MLLT3: variants seen among roughly 807,000 people sequenced by gnomAD.
The protein encoded by MLLT3 is MLLT3 super elongation complex subunit.
A neutral mutation model predicts 53.2 loss-of-function variants in MLLT3; 4 were observed. The ratio of observed to expected loss-of-function variants is 0.08; its 90% CI spans 0.04 to 0.17. The LOEUF is 0.17. MLLT3 is among the 10% of genes least tolerant of loss of function. MLLT3 has a pLI of 1.00. For synonymous variants in MLLT3, 283 were observed against 230.6 expected, an observed-to-expected ratio of 1.23 and a Z score of -2.06; for missense variants, 569 against 684.0, an observed-to-expected ratio of 0.83 and a Z score of 1.87.
chr9:20,533,162 C>A (rs1489843164), intron 2 of MLLT3: 2 of 289,320 alleles, frequency 6.9e-6, no homozygotes, highest in Admixed American at 3.9e-5. Context: ...ACCACCGTCA[C>A]CTTTACACAG....
chr9:20,411,391 C>T (rs2118769596), intron 5 of MLLT3, among the ~76,000 whole-genome samples: 1 of 152,296 alleles, frequency 6.6e-6, no homozygotes, highest in East Asian at 1.9e-4. Flanking sequence ...CATGACATCA[C>T]TTTTGTTAAT....
At chr9:20,373,833 T>C (rs576288302) in intron 5 of MLLT3, among the ~76,000 whole-genome samples, 1 of 152,228 alleles carries the variant, frequency 6.6e-6, no homozygotes, top group African/African-American at 2.4e-5. Context: ...TGAATACTAA[T>C]GAAAGAAGAA....
At chr9:20,482,930 CAT>C (rs1824701544) in intron 2 of MLLT3, among the ~76,000 whole-genome samples, 1 of 152,158 alleles carries the variant, frequency 6.6e-6, no homozygotes, top group African/African-American at 2.4e-5. Context: ...ATCCTAGAAA[CAT>C]ATCTTCCACC....
chr9:20,525,945 T>G (rs529112328), intron 2 of MLLT3, among the ~76,000 whole-genome samples: 1 of 152,342 alleles, frequency 6.6e-6, no homozygotes, highest in South Asian at 2.1e-4. Context: ...CAATACATTT[T>G]ATAATTTTGG....
intron 5 of MLLT3, among the ~76,000 whole-genome samples, chr9:20,383,528 A>C (rs186145194): frequency 2.0e-5 from 3 of 152,042 alleles, no homozygotes; most frequent in Middle Eastern, 3.4e-3. Context: ...GGGAAACATA[A>C]GTAATAGTGG....
Position 20,456,274 on chromosome 9 carries a change from G to A in MLLT3, c.276+430C>T, listed in dbSNP as rs1006058274. Among the ~76,000 whole-genome samples, 15 of 152,068 alleles carry A rather than the reference G, an allele frequency of 9.9e-5. 1 individual carries two copies. The highest frequency in any genetic ancestry group is 9.8e-4 in the Admixed American group (15 of 15,276). On this transcript the variant is annotated intron_variant, in intron 3 of 10. Coordinates refer to ENST00000380338, the MANE Select transcript of MLLT3 (RefSeq NM_004529.4). ...TAAATCCAGTAAAATCCATATATCT[G>A]AAGTTGAAATAACTATATACATGTA...
chr9:20,496,377 A>T (rs1586995220), intron 2 of MLLT3, among the ~76,000 whole-genome samples: 2 of 152,124 alleles, frequency 1.3e-5, no homozygotes, highest in Admixed American at 6.5e-5. Context: ...TTTATATTGT[A>T]ATCAGCCCTG....
intron 4 of MLLT3, among the ~76,000 whole-genome samples, chr9:20,415,779 A>G (rs1034168001): frequency 1.3e-5 from 2 of 152,084 alleles, no homozygotes; most frequent in Non-Finnish European, 2.9e-5. Flanking sequence ...CAAAACAACA[A>G]AAAATATATA....
At chr9:20,611,613 T>C (rs1010888559) in intron 2 of MLLT3, among the ~76,000 whole-genome samples, 1 of 152,116 alleles carries the variant, frequency 6.6e-6, no homozygotes, top group African/African-American at 2.4e-5. Flanking sequence ...TTATAATCAC[T>C]AATGAACACT....
intron 5 of MLLT3, among the ~76,000 whole-genome samples, chr9:20,399,245 CATATTT>C (rs1822396756): frequency 6.6e-6 from 1 of 152,130 alleles, no homozygotes; most frequent in Non-Finnish European, 1.5e-5. Flanking sequence ...ATTACACAGA[CATATTT>C]ATAGTTAAGA....
At chr9:20,456,280 G>T (rs1823969002) in intron 3 of MLLT3, among the ~76,000 whole-genome samples, 1 of 151,954 alleles carries the variant, frequency 6.6e-6, no homozygotes, top group South Asian at 2.1e-4. Context: ...ATCTGAAGTT[G>T]AAATAACTAT....
chr9:20,416,532 C>G (rs1396404178), intron 4 of MLLT3, among the ~76,000 whole-genome samples: 1 of 152,098 alleles, frequency 6.6e-6, no homozygotes, highest in Admixed American at 6.5e-5. Flanking sequence ...ACATTGGTAT[C>G]TGACACAGCT....
chr9:20,447,233 T>C (rs1194452732), intron 4 of MLLT3, among the ~76,000 whole-genome samples: 3 of 152,198 alleles, frequency 2.0e-5, no homozygotes, highest in Admixed American at 2.0e-4. Context: ...TTATCAGTGA[T>C]ATAAGGCATC....
At chr9:20,585,638 A>G (rs528889686) in intron 2 of MLLT3, among the ~76,000 whole-genome samples, 2 of 152,200 alleles carry the variant, frequency 1.3e-5, no homozygotes, top group East Asian at 1.9e-4. Context: ...GTTTTTGTTA[A>G]TTTGCAATTC....
In MLLT3 at chr9:20,344,501, A is replaced by AGG; in HGVS notation, c.*1941_*1942insCC. 1 of 219,494 alleles carries AGG rather than the reference A, an allele frequency of 4.6e-6. No individual in the cohort carries two copies. The highest frequency in any genetic ancestry group is 9.2e-6 in the Non-Finnish European group (1 of 109,200). 13.6% of individuals were successfully genotyped at this position (219,494 alleles called of 1,614,324 possible). ...AATTCATCAATCACCTAATGTCCAAAATGACTCAAAGTTTCTCTGCACATC... is the reference window on the plus strand; with the variant it reads ...AATTCATCAATCACCTAATGTCCAAAGGATGACTCAAAGTTTCTCTGCACATC... On this transcript the variant is annotated 3_prime_UTR_variant, in exon 11 of 11. Transcript: ENST00000380338.
rs4634744 is a variant in MLLT3, at chr9:20,584,646, C to T, written c.193+36008G>A. On this transcript the variant is annotated intron_variant, in intron 2 of 10. Coordinates refer to ENST00000380338, the MANE Select transcript of MLLT3 (RefSeq NM_004529.4). ...AAGTGGAAACCTCTGATAAACCCAT[C>T]AGATCTCACGAGACTTATTCACTAT... is the stretch of plus-strand genomic sequence containing the variant. Among the ~76,000 whole-genome samples, 1,411 of 152,252 alleles carry T rather than the reference C, an allele frequency of 9.3e-3. 48 individuals are homozygous for T. In the East Asian group the frequency reaches 0.12, roughly 13 times the overall value.
chr9:20,387,014 C>T (rs1486076110), intron 5 of MLLT3, among the ~76,000 whole-genome samples: 3 of 152,110 alleles, frequency 2.0e-5, no homozygotes. Flanking sequence ...TTGTATTAGC[C>T]ACTTTTCCCT....
chr9:20,538,218 T>C (rs959898219), intron 2 of MLLT3, among the ~76,000 whole-genome samples: 2 of 152,218 alleles, frequency 1.3e-5, no homozygotes, highest in Non-Finnish European at 2.9e-5. Flanking sequence ...CACATTGAAA[T>C]AGCACTTAAT....
intron 2 of MLLT3, among the ~76,000 whole-genome samples, chr9:20,467,441 G>C (rs1484503421): frequency 6.6e-6 from 1 of 152,150 alleles, no homozygotes; most frequent in Non-Finnish European, 1.5e-5. Flanking sequence ...AGCTGGGTGT[G>C]GTGGCACGCG....
Sources: gnomAD v4.1 joint callset for allele counts (sites outside exome capture counted in the v4.1 genomes callset) on GRCh38, gnomAD v4.1.1 for gene constraint, MANE v1.5 for transcripts, NCBI Gene and HGNC (gene_info 2026-07-23, HGNC 2026-07-21) for gene names.